Variants in RNF212B observed in about 807,000 individuals in gnomAD.
The protein encoded by RNF212B is E3 ubiquitin-protein ligase RNF212B.
A neutral mutation model predicts 55.5 loss-of-function variants in RNF212B; 52 were observed. The ratio of observed to expected loss-of-function variants is 0.94; its 90% CI spans 0.75 to 1.18. The LOEUF (loss-of-function observed/expected upper bound fraction) is 1.18. Ranked by LOEUF, RNF212B falls within the 50% of genes most tolerant of loss-of-function variation. The probability of loss-of-function intolerance (pLI) is 0.00; values close to 1 mark genes in which losing one functional copy is unlikely to be tolerated. For missense variants in RNF212B, 289 were observed against 350.4 expected (o/e 0.82, Z 1.40); for synonymous variants, 99 against 121.4 (o/e 0.82, Z 1.21).
At chr14:23,268,479 G>T (rs1885848765) in intron 11 of RNF212B, among the ~76,000 whole-genome samples, 1 of 152,128 alleles carries the variant, frequency 6.6e-6, no homozygotes, top group African/African-American at 2.4e-5. Flanking sequence ...TTAATTTTCA[G>T]ATTTCTGAAA....
intron 4 of RNF212B, among the ~76,000 whole-genome samples, chr14:23,244,975 G>A: frequency 6.6e-6 from 1 of 152,182 alleles, no homozygotes; most frequent in Non-Finnish European, 1.5e-5. Flanking sequence ...GTAGAAGAAG[G>A]TAGAGAGAAG....
intron 2 of RNF212B, among the ~76,000 whole-genome samples, chr14:23,206,491 T>C (rs1282924498): frequency 6.6e-6 from 1 of 152,232 alleles, no homozygotes; most frequent in African/African-American, 2.4e-5. Flanking sequence ...CATAAATATA[T>C]ATAAAGACGT....
At chr14:23,248,793 A>G (rs991925517) in intron 4 of RNF212B, among the ~76,000 whole-genome samples, 2 of 152,182 alleles carry the variant, frequency 1.3e-5, no homozygotes, top group African/African-American at 4.8e-5. Context: ...CAAAGCCTTC[A>G]TGACATAATC....
intron 2 of RNF212B, among the ~76,000 whole-genome samples, chr14:23,201,432 A>G (rs1008672848): frequency 2.0e-5 from 3 of 152,228 alleles, no homozygotes; most frequent in Non-Finnish European, 4.4e-5. Flanking sequence ...GTTATTGATA[A>G]TGTACACTAA....
chr14:23,264,189 G>A lies in RNF212B; in HGVS notation c.540G>A (p.Ala180=), dbSNP rs747212579. The change falls in exon 10 of 15, where the codon GCG becomes GCA. Residue 180 remains alanine (A), a synonymous_variant. Transcript: ENST00000430154. ...CCTTATACAGTCGGTCCTCCTCAGC[G>A]GAATCTATTCCTTATAGAGAGGCTG... ...SSQVVSRSSS[A]ESIPYREAGF... is the part of the protein sequence containing the mutation. The A allele has an allele frequency of 1.2e-4, 179 of 1,549,590 alleles. No individual in the cohort carries two copies. Among genetic ancestry groups the A allele is most frequent in the Admixed American group, 1.6e-4 (8 of 50,964 alleles).
At chr14:23,220,773 C>G (rs1454428721) in intron 2 of RNF212B, among the ~76,000 whole-genome samples, 1 of 151,356 alleles carries the variant, frequency 6.6e-6, no homozygotes, top group African/African-American at 2.4e-5. Flanking sequence ...TGAAGTGAGC[C>G]GAGATTGCAC....
chr14:23,263,037 A>G, intron 9 of RNF212B, 67 bp downstream of exon 9: 1 of 1,381,958 alleles, frequency 7.2e-7, no homozygotes, highest in South Asian at 1.2e-5. Context: ...ATCTAGTTGT[A>G]GCTCAGATTG....
chr14:23,260,584 G>T, intron 6 of RNF212B, 75 bp from the exon 7 acceptor site: 1 of 1,399,784 alleles, frequency 7.1e-7, no homozygotes, highest in South Asian at 1.2e-5. Flanking sequence ...TAGTTATCTC[G>T]CAAGTAAGAC....
intron 2 of RNF212B, among the ~76,000 whole-genome samples, chr14:23,225,557 A>G (rs1208969214): frequency 2.6e-5 from 4 of 152,230 alleles, no homozygotes; most frequent in Non-Finnish European, 4.4e-5. Context: ...AGCCAGGCAC[A>G]GAAAGACAAA....
At chr14:23,208,030 GT>G (rs1880018515) in intron 2 of RNF212B, among the ~76,000 whole-genome samples, 1 of 152,198 alleles carries the variant, frequency 6.6e-6, no homozygotes, top group African/African-American at 2.4e-5. Flanking sequence ...ATATCAGTGA[GT>G]ACAGGGGTGA....
chr14:23,250,638 C>T (rs956706355), intron 4 of RNF212B, among the ~76,000 whole-genome samples: 13 of 152,134 alleles, frequency 8.5e-5, no homozygotes, highest in South Asian at 2.1e-4. Flanking sequence ...ACTGTAAACC[C>T]GGAAAATCTG....
chr14:23,253,240 CATTTCTCCAGT>C (rs977322347), intron 4 of RNF212B, among the ~76,000 whole-genome samples: 4 of 152,154 alleles, frequency 2.6e-5, no homozygotes, highest in African/African-American at 7.2e-5. Context: ...TCCCCATTCA[CATTTCTCCAGT>C]TGTCTCAGTT....
upstream of RNF212B, among the ~76,000 whole-genome samples, chr14:23,237,393 G>A (rs1410770222): frequency 6.6e-6 from 1 of 152,162 alleles, no homozygotes; most frequent in African/African-American, 2.4e-5. Flanking sequence ...GCCTCCCAAG[G>A]TGCTGGGATT....
At chr14:23,224,497 G>A (rs1169424181) in intron 2 of RNF212B, among the ~76,000 whole-genome samples, 1 of 152,162 alleles carries the variant, frequency 6.6e-6, no homozygotes, top group Admixed American at 6.5e-5. Context: ...AACGTACACT[G>A]GGGAAAAGAC....
At chr14:23,266,227 G>C (rs1174334722) in intron 11 of RNF212B, among the ~76,000 whole-genome samples, 1 of 151,820 alleles carries the variant, frequency 6.6e-6, no homozygotes, top group Non-Finnish European at 1.5e-5. Context: ...CCAAAGTGCT[G>C]GGATTATACC....
intron 12 of RNF212B, among the ~76,000 whole-genome samples, chr14:23,269,647 G>A (rs1885538422): frequency 6.6e-6 from 1 of 151,838 alleles, no homozygotes; most frequent in Non-Finnish European, 1.5e-5. Context: ...AGGAAGTCAA[G>A]GCTGCAGTGA....
intron 4 of RNF212B, among the ~76,000 whole-genome samples, chr14:23,258,302 C>T (rs548658430): frequency 1.4e-5 from 2 of 145,906 alleles, no homozygotes; most frequent in Non-Finnish European, 3.0e-5. Flanking sequence ...CGCACTATTG[C>T]ACTCTAGCCT....
At chr14:23,196,257 T>A (rs1042048707) in intron 2 of RNF212B, among the ~76,000 whole-genome samples, 1 of 152,082 alleles carries the variant, frequency 6.6e-6, no homozygotes, top group Non-Finnish European at 1.5e-5. Context: ...GTGCCCACTG[T>A]CTCTCTGTCA....
At chr14:23,222,178 C>A (rs1331715387) in intron 2 of RNF212B, among the ~76,000 whole-genome samples, 1 of 151,300 alleles carries the variant, frequency 6.6e-6, no homozygotes. Context: ...GAAAACAATA[C>A]AACAGGTCAA....
Sources: gnomAD v4.1 joint callset for allele counts (sites outside exome capture counted in the v4.1 genomes callset) on GRCh38, gnomAD v4.1.1 for gene constraint, MANE v1.5 for transcripts, NCBI Gene and HGNC (gene_info 2026-07-23, HGNC 2026-07-21) for gene names.